The following TSPAN12 variants were observed in gnomAD, a reference collection of about 807,000 sequenced individuals.
TSPAN12 encodes the protein tetraspanin-12.
TSPAN12 carries 19 observed loss-of-function variants against 39.2 expected under a neutral mutation model. That is an observed-to-expected ratio of 0.49 (90% CI 0.34 to 0.71). The LOEUF (loss-of-function observed/expected upper bound fraction) is 0.71, where lower values mean the gene tolerates loss of function less well. TSPAN12 is among the 30% of genes least tolerant of loss of function. The pLI, the probability that TSPAN12 is intolerant of heterozygous loss-of-function variation, is 0.01. For synonymous variants in TSPAN12, 119 were observed against 124.8 expected (o/e 0.95, Z 0.31); for missense variants, 314 against 359.9 (o/e 0.87, Z 1.03).
intron 7 of TSPAN12, among the ~76,000 whole-genome samples, chr7:120,802,810 A>C (rs889327766): frequency 2.0e-5 from 3 of 152,144 alleles, no homozygotes; most frequent in Non-Finnish European, 4.4e-5. Context: ...GCCAAACCTA[A>C]CAAGGCTCCT....
chr7:120,822,212 T>TC (rs1440597299), intron 4 of TSPAN12, among the ~76,000 whole-genome samples: 1 of 151,862 alleles, frequency 6.6e-6, no homozygotes, highest in Non-Finnish European at 1.5e-5. Flanking sequence ...GAGGATTAAT[T>TC]CCCCCCACTT....
At chr7:120,808,812 C>T (rs1175166822) in intron 6 of TSPAN12, among the ~76,000 whole-genome samples, 4 of 151,836 alleles carry the variant, frequency 2.6e-5, no homozygotes, top group Non-Finnish European at 5.9e-5. Context: ...AGAATTGGGT[C>T]CCCCACCCAA....
At chr7:120,848,328 C>T (rs1445487658) in intron 2 of TSPAN12, among the ~76,000 whole-genome samples, 1 of 152,132 alleles carries the variant, frequency 6.6e-6, no homozygotes, top group Non-Finnish European at 1.5e-5. Context: ...CAGAACATGG[C>T]CTATCTCCCC....
chr7:120,850,529 G>T (rs753044218), intron 2 of TSPAN12, among the ~76,000 whole-genome samples: 7 of 152,126 alleles, frequency 4.6e-5, no homozygotes, highest in Non-Finnish European at 8.8e-5. Flanking sequence ...GTCAATGAGG[G>T]AGGAGCCTAT....
intron 2 of TSPAN12, among the ~76,000 whole-genome samples, chr7:120,855,420 A>G (rs1406823746): frequency 2.0e-5 from 3 of 152,252 alleles, no homozygotes; most frequent in Non-Finnish European, 4.4e-5. Flanking sequence ...GTGAAAAACT[A>G]GTAAACAGGA....
chr7:120,811,543 G>A (rs1793981007), intron 5 of TSPAN12, among the ~76,000 whole-genome samples: 1 of 151,290 alleles, frequency 6.6e-6, no homozygotes. Context: ...AGTGGCGGGT[G>A]CCTGTAGTCC....
intron 2 of TSPAN12, among the ~76,000 whole-genome samples, chr7:120,840,619 T>G (rs1794559729): frequency 2.0e-5 from 3 of 152,198 alleles, no homozygotes; most frequent in Non-Finnish European, 4.4e-5. Flanking sequence ...CTAAAGTATA[T>G]AAACTCATAC....
intron 2 of TSPAN12, among the ~76,000 whole-genome samples, chr7:120,854,130 T>C (rs1024353657): frequency 1.3e-5 from 2 of 152,168 alleles, no homozygotes; most frequent in African/African-American, 4.8e-5. Context: ...ATACTTTAAA[T>C]GTTTCAGATT....
intron 4 of TSPAN12, among the ~76,000 whole-genome samples, chr7:120,821,774 G>A (rs980783847): frequency 3.9e-5 from 6 of 152,086 alleles, no homozygotes; most frequent in African/African-American, 1.4e-4. Context: ...CTTAATATAT[G>A]TTTCTTGAGT....
intron 4 of TSPAN12, among the ~76,000 whole-genome samples, chr7:120,826,619 G>A (rs1046238344): frequency 1.3e-5 from 2 of 152,138 alleles, no homozygotes; most frequent in Non-Finnish European, 2.9e-5. Flanking sequence ...TACCACACAC[G>A]ATTCTGACCC....
Position 120,858,026 on chromosome 7 carries a change from G to C in TSPAN12, c.-277C>G, listed in dbSNP as rs549451459. On this transcript the variant is annotated 5_prime_UTR_variant, in exon 1 of 8. Transcript: ENST00000222747. ...AAAAAAAAAAAAAAAGTCCTGGGCA[G>C]CAGTTGCTGGAAAGTCTCTGCTAAG... 1 of 151,550 alleles carries C rather than the reference G, an allele frequency of 6.6e-6. No homozygotes were observed. Among genetic ancestry groups the C allele is most frequent in the Non-Finnish European group, 1.5e-5 (1 of 68,354 alleles). 9.4% of individuals were successfully genotyped at this position (151,550 alleles called of 1,614,324 possible). A position where few individuals can be genotyped will look rare whatever the true frequency, so the allele number is the denominator to read the frequency against.
rs926395209 is a variant in TSPAN12, at chr7:120,788,357, C to T, written c.*235G>A. 8 of 548,304 alleles carry T rather than the reference C, an allele frequency of 1.5e-5. No homozygotes were observed. Among genetic ancestry groups the T allele is most frequent in the African/African-American group, 7.6e-5 (4 of 52,676 alleles). 34.0% of individuals were successfully genotyped at this position (548,304 alleles called of 1,614,324 possible). A position where few individuals can be genotyped will look rare whatever the true frequency, so the allele number is the denominator to read the frequency against. ...TTCAGTAAAAGTCATACACAGGCTA[C>T]ACAGTGGGTATGACATCTGTCTTCA... On this transcript the variant is annotated 3_prime_UTR_variant, in exon 8 of 8. Transcript: ENST00000222747.
intron 4 of TSPAN12, among the ~76,000 whole-genome samples, chr7:120,832,219 G>A (rs949735430): frequency 1.3e-5 from 2 of 152,018 alleles, no homozygotes; most frequent in Admixed American, 6.6e-5. Flanking sequence ...GGCTTCTGGG[G>A]ATGATAATGT....
intron 4 of TSPAN12, among the ~76,000 whole-genome samples, chr7:120,832,760 G>A (rs1245357637): frequency 6.6e-6 from 1 of 152,106 alleles, no homozygotes; most frequent in Non-Finnish European, 1.5e-5. Flanking sequence ...AGGAATGAGA[G>A]GTGAGGAAGG....
intron 4 of TSPAN12, among the ~76,000 whole-genome samples, chr7:120,831,014 C>T (rs965505571): frequency 2.0e-5 from 3 of 151,760 alleles, no homozygotes; most frequent in African/African-American, 7.3e-5. Flanking sequence ...AGATGACATG[C>T]AAATACCCAA....
chr7:120,817,365 G>A (rs1254247395), intron 4 of TSPAN12, among the ~76,000 whole-genome samples: 7 of 151,378 alleles, frequency 4.6e-5, no homozygotes, highest in East Asian at 1.9e-4. Context: ...CTTCAGCCTC[G>A]GGGACAGAGA....
At chr7:120,798,913 T>A (rs540612899) in intron 7 of TSPAN12, among the ~76,000 whole-genome samples, 1 of 152,322 alleles carries the variant, frequency 6.6e-6, no homozygotes, top group South Asian at 2.1e-4. Flanking sequence ...ACCACTACTA[T>A]GTGTTCCCAT....
At chr7:120,829,708 G>A (rs1312751880) in intron 4 of TSPAN12, among the ~76,000 whole-genome samples, 1 of 152,112 alleles carries the variant, frequency 6.6e-6, no homozygotes, top group Non-Finnish European at 1.5e-5. Context: ...AGCATGTGCT[G>A]CCAGAAAAAT....
At chr7:120,802,735 T>C (rs1294088246) in intron 7 of TSPAN12, among the ~76,000 whole-genome samples, 4 of 152,224 alleles carry the variant, frequency 2.6e-5, no homozygotes, top group Non-Finnish European at 4.4e-5. Context: ...ATTTTCATTA[T>C]AGATTTTTAA....
Sources: allele counts gnomAD v4.1 joint callset (sites outside exome capture counted in the v4.1 genomes callset), GRCh38; gene constraint gnomAD v4.1.1; transcripts MANE v1.5; gene names NCBI Gene and HGNC (gene_info 2026-07-23, HGNC 2026-07-21).